Variants in PDXDC1 observed in about 807,000 individuals in gnomAD.
PDXDC1 encodes pyridoxal dependent decarboxylase domain containing 1.
PDXDC1 carries 42 observed loss-of-function variants against 100.1 expected under a neutral mutation model. That is an observed-to-expected ratio of 0.42 (90% CI 0.33 to 0.54). The LOEUF (loss-of-function observed/expected upper bound fraction) is 0.54. PDXDC1 is among the 20% of genes least tolerant of loss of function. PDXDC1 has a pLI of 0.10. For synonymous variants in PDXDC1, 260 were observed against 371.7 expected (o/e 0.70, Z 3.46); for missense variants, 636 against 979.2 (o/e 0.65, Z 4.68).
rs948257480 is a variant in PDXDC1 at position 15,136,256 on chromosome 16, T to C, written c.1400-2623T>C. ...GATGGGGAAACTGAGGCTCAGAGCC[T>C]GGAGAGCAGGGCCCACCACCCCAGG... On this transcript the variant is annotated intron_variant, in intron 16 of 16. Transcript: ENST00000535621. 3.4e-4 allele frequency: 210 copies of C among 621,976 alleles called. 1 individual carries two copies. Among genetic ancestry groups the C allele is most frequent in the African/African-American group, 1.2e-3 (64 of 54,356 alleles). The allele number at this position is 621,976 out of a possible 1,614,324, so 38.5% of individuals were successfully genotyped here.
the PDXDC1 span, among the ~76,000 whole-genome samples, chr16:15,147,465 G>C: frequency 6.6e-6 from 1 of 152,222 alleles, no homozygotes; most frequent in Non-Finnish European, 1.5e-5. Context: ...GGAGAGACAA[G>C]AACACAGAGG....
chr16:14,996,939 A>C (rs1444196320), intron 1 of PDXDC1, among the ~76,000 whole-genome samples: 2 of 152,294 alleles, frequency 1.3e-5, no homozygotes, highest in Non-Finnish European at 2.9e-5. Context: ...TGTTATCATA[A>C]GTGATCTTAC....
chr16:15,092,678 A>C (rs894353536), intron 16 of PDXDC1: 3 of 1,093,534 alleles, frequency 2.7e-6, no homozygotes, highest in Admixed American at 1.8e-5. Context: ...AATAGCCAAC[A>C]TTTATTGAAC....
intron 16 of PDXDC1, chr16:15,092,667 T>C (rs2046184016): frequency 6.9e-6 from 8 of 1,158,190 alleles, no homozygotes; most frequent in Non-Finnish European, 1.3e-6. Flanking sequence ...ATAAAAATTA[T>C]AATAGCCAAC....
chr16:15,036,466 T>C lies in PDXDC1; in HGVS notation c.*191T>C. The C allele has an allele frequency of 2.0e-6, 1 of 505,324 alleles. No individual in the cohort carries two copies. Among genetic ancestry groups the C allele is most frequent in the East Asian group, 3.0e-5 (1 of 33,792 alleles). 31.3% of individuals were successfully genotyped at this position (505,324 alleles called of 1,614,324 possible). ...GTCAGCTTGTCTAACTTCATGTACA[T>C]GTAGAACCACGTTTGCTGTCCTACT... is the stretch of plus-strand genomic sequence containing the variant. On this transcript the variant is annotated 3_prime_UTR_variant, in exon 23 of 23. Transcript: ENST00000396410.
At chr16:15,043,642 C>CTTTT (rs2043923906) in intron 16 of PDXDC1, among the ~76,000 whole-genome samples, 1 of 152,210 alleles carries the variant, frequency 6.6e-6, no homozygotes, top group African/African-American at 2.4e-5. Context: ...TTCTTTCTTT[C>CTTTT]TTTTTTGAAA....
chr16:15,122,097 G>C (rs1354254342), intron 16 of PDXDC1, among the ~76,000 whole-genome samples: 2 of 151,720 alleles, frequency 1.3e-5, no homozygotes, highest in South Asian at 4.2e-4. Context: ...CCCGGAAGCG[G>C]AGGTTGCAGT....
At chr16:14,982,914 G>C (rs886722556) in intron 1 of PDXDC1, among the ~76,000 whole-genome samples, 3 of 152,280 alleles carry the variant, frequency 2.0e-5, no homozygotes, top group African/African-American at 7.2e-5. Context: ...GATTTACCTT[G>C]TTCAGAAAGC....
intron 16 of PDXDC1, among the ~76,000 whole-genome samples, chr16:15,096,857 C>T (rs746808922): frequency 2.0e-5 from 3 of 152,238 alleles, no homozygotes; most frequent in Admixed American, 2.0e-4. Context: ...TTGGTAAATA[C>T]GAGGTCTCAC....
chr16:15,079,530 T>C (rs1460149188), intron 16 of PDXDC1, among the ~76,000 whole-genome samples: 1 of 152,212 alleles, frequency 6.6e-6, no homozygotes, highest in African/African-American at 2.4e-5. Context: ...AGGAACTGTC[T>C]ACAACTCCCA....
In PDXDC1 at chr16:15,046,232, A is replaced by G. The variant is rs2044055438; in HGVS notation, c.1399+16176A>G. On this transcript the variant is annotated intron_variant, in intron 16 of 16. Transcript: ENST00000535621. ...GAGAATTTAGAATCGACCAGTATTG[A>G]CTAGCAAATCTCTCCCAGAGAACTC... Among the ~76,000 whole-genome samples the G allele has an allele frequency of 2.0e-5, 3 of 152,220 alleles. No homozygotes were observed. In the South Asian group the frequency reaches 6.2e-4, roughly 32 times the overall value.
In PDXDC1 at chr16:15,038,086, A is replaced by C. The variant is rs1308738662; in HGVS notation, c.*1811A>C. On this transcript the variant is annotated 3_prime_UTR_variant, in exon 23 of 23. Transcript: ENST00000396410. Reference sequence around the variant, plus strand: ...CAAGCCATCTTCATTTTTTTTGTAGAGTAGGGCTTTATTTCCAGAAAACAG... The same window carrying C: ...CAAGCCATCTTCATTTTTTTTGTAGCGTAGGGCTTTATTTCCAGAAAACAG... 1 of 1,612,868 alleles carries C rather than the reference A, an allele frequency of 6.2e-7. No homozygotes were observed. The highest frequency in any genetic ancestry group is 1.1e-5 in the South Asian group (1 of 90,988).
At chr16:15,099,046 A>G (rs1341431049) in intron 16 of PDXDC1, among the ~76,000 whole-genome samples, 1 of 152,204 alleles carries the variant, frequency 6.6e-6, no homozygotes, top group Non-Finnish European at 1.5e-5. Flanking sequence ...GCTTGAGTGC[A>G]GCTCCTTATT....
chr16:15,040,095 T>C, downstream of PDXDC1: 1 of 1,291,268 alleles, frequency 7.7e-7, no homozygotes, highest in Non-Finnish European at 1.1e-6. Flanking sequence ...TGACTCTGAA[T>C]TGACAAAAGA....
At chr16:15,133,158 T>C in intron 16 of PDXDC1, 1 of 832,316 alleles carries the variant, frequency 1.2e-6, no homozygotes, top group Admixed American at 2.1e-5. Context: ...GGGATTTATC[T>C]CTGGGGCCCG....
chr16:15,041,137 G>GT (rs751911586), downstream of PDXDC1: 22 of 1,461,530 alleles, frequency 1.5e-5, no homozygotes, highest in South Asian at 2.4e-4. Flanking sequence ...AAATAAGAAT[G>GT]TTTAAGATAC....
Position 15,038,132 on chromosome 16 carries a change from G to GTT in PDXDC1, c.*1863_*1864dup. On this transcript the variant is annotated 3_prime_UTR_variant, in exon 23 of 23. Transcript: ENST00000396410. ...AACAGTGTGTGAGCTGGAGATGGGT[G>GTT]TTTTTTTAAAAACATCAAGGTAGAT... 6.2e-7 allele frequency: 1 copy of GTT among 1,612,156 alleles called. No homozygotes were observed. The highest frequency in any genetic ancestry group is 1.3e-5 in the African/African-American group (1 of 74,914).
chr16:15,049,232 C>G (rs952814628), intron 16 of PDXDC1, among the ~76,000 whole-genome samples: 2 of 152,036 alleles, frequency 1.3e-5, no homozygotes, highest in East Asian at 1.9e-4. Flanking sequence ...CCTCCCTATG[C>G]TGCCCAGGCT....
chr16:15,012,851 TAAA>T (rs34263288), intron 8 of PDXDC1, among the ~76,000 whole-genome samples: 45 of 146,562 alleles, frequency 3.1e-4, no homozygotes, highest in East Asian at 4.1e-4. Flanking sequence ...GATCCTTTCT[TAAA>T]AAAAAAAAAA....
Sources: allele counts gnomAD v4.1 joint callset (sites outside exome capture counted in the v4.1 genomes callset), GRCh38; gene constraint gnomAD v4.1.1; transcripts MANE v1.5; gene names NCBI Gene and HGNC (gene_info 2026-07-23, HGNC 2026-07-21).